Variants in COMMD10 observed in about 807,000 individuals in gnomAD.
The protein encoded by COMMD10 is COMM domain-containing protein 10.
In COMMD10, 33 loss-of-function variants were observed where a neutral mutation model predicts 28.9. That is an observed-to-expected ratio of 1.14 (90% confidence interval 0.87 to 1.53). The LOEUF (loss-of-function observed/expected upper bound fraction) is 1.53, where lower values mean the gene tolerates loss of function less well. Ranked by LOEUF, COMMD10 falls within the 40% of genes most tolerant of loss-of-function variation. The pLI, the probability that COMMD10 is intolerant of heterozygous loss-of-function variation, is 0.00. For missense variants in COMMD10, 310 were observed against 233.4 expected (o/e 1.33, Z -2.14); for synonymous variants, 110 against 81.7 (o/e 1.35, Z -1.87).
chr5:116,236,076 C>T (rs1489313990), intron 5 of COMMD10, among the ~76,000 whole-genome samples: 1 of 151,996 alleles, frequency 6.6e-6, no homozygotes, highest in African/African-American at 2.4e-5. Flanking sequence ...GAAAAGGATA[C>T]ATGTTATTGT....
intron 5 of COMMD10, among the ~76,000 whole-genome samples, chr5:116,264,306 G>A (rs777381252): frequency 7.9e-5 from 12 of 151,770 alleles, no homozygotes; most frequent in African/African-American, 2.7e-4. Flanking sequence ...TCGAATATAC[G>A]TATGAAGGCA....
chr5:116,256,066 C>G (rs1403392116), intron 5 of COMMD10, among the ~76,000 whole-genome samples: 1 of 151,478 alleles, frequency 6.6e-6, no homozygotes, highest in African/African-American at 2.4e-5. Context: ...CTGAAATTAC[C>G]TTCTATAAAA....
chr5:116,180,012 T>C (rs1747895139), intron 5 of COMMD10, among the ~76,000 whole-genome samples: 1 of 152,058 alleles, frequency 6.6e-6, no homozygotes, highest in South Asian at 2.1e-4. Context: ...ATTGAGGTTT[T>C]TTGTTGTTAC....
chr5:116,192,736 C>T (rs1222870048), intron 5 of COMMD10, among the ~76,000 whole-genome samples: 1 of 152,140 alleles, frequency 6.6e-6, no homozygotes, highest in Admixed American at 6.5e-5. Flanking sequence ...GCTTGGAAAA[C>T]ATATTTGATG....
intron 4 of COMMD10, among the ~76,000 whole-genome samples, chr5:116,098,313 G>A (rs1389690602): frequency 6.6e-6 from 1 of 152,148 alleles, no homozygotes; most frequent in Non-Finnish European, 1.5e-5. Context: ...AGGTGTACAT[G>A]CAATGACTTT....
intron 5 of COMMD10, among the ~76,000 whole-genome samples, chr5:116,185,126 G>C (rs374395006): frequency 2.0e-5 from 3 of 152,064 alleles, no homozygotes; most frequent in East Asian, 3.9e-4. Flanking sequence ...CAAGTTCCTC[G>C]TTATTTCTTA....
chr5:116,254,539 C>G (rs575595513), intron 5 of COMMD10, among the ~76,000 whole-genome samples: 2 of 150,978 alleles, frequency 1.3e-5, no homozygotes, highest in African/African-American at 4.9e-5. Context: ...TTATTTCTGC[C>G]TTCATTTCGT....
chr5:116,289,898 C>T (rs532205132), intron 5 of COMMD10, among the ~76,000 whole-genome samples: 1 of 152,020 alleles, frequency 6.6e-6, no homozygotes, highest in African/African-American at 2.4e-5. Context: ...AAGAGGGCCT[C>T]TAGCTTTCTA....
chr5:116,190,349 A>G (rs1480066463), intron 5 of COMMD10, among the ~76,000 whole-genome samples: 1 of 152,208 alleles, frequency 6.6e-6, no homozygotes, highest in Non-Finnish European at 1.5e-5. Flanking sequence ...GTACAGAGGA[A>G]CAGATAGCAG....
At chr5:116,110,532 C>T (rs1001182951) in intron 4 of COMMD10, among the ~76,000 whole-genome samples, 2 of 152,172 alleles carry the variant, frequency 1.3e-5, no homozygotes, top group African/African-American at 4.8e-5. Flanking sequence ...CTGATTTAAT[C>T]TCACTACCCA....
At position 116,251,290 on chromosome 5, in the gene COMMD10, A is replaced by C. The variant is rs62385976; in HGVS notation, c.511-40227A>C. On this transcript the variant is annotated intron_variant, in intron 5 of 6. Coordinates refer to ENST00000274458, the MANE Select transcript of COMMD10 (RefSeq NM_016144.4). ...TTTTTATTTATTTATTTATTTATTT[A>C]TTTATTTATTTATTATTATACTTTA... 8.8e-3 allele frequency among the ~76,000 whole-genome samples: 1,208 copies of C among 137,022 alleles called. 18 individuals are homozygous for C. The highest frequency in any genetic ancestry group is 0.032 in the African/African-American group (1,132 of 35,182). The allele number at this position is 137,022 out of a possible 152,430, so 89.9% of individuals were successfully genotyped here.
intron 4 of COMMD10, among the ~76,000 whole-genome samples, chr5:116,132,116 C>T (rs1019827998): frequency 2.6e-5 from 4 of 151,812 alleles, no homozygotes; most frequent in African/African-American, 4.8e-5. Context: ...TTGTGATAGT[C>T]TGGGAATATG....
intron 4 of COMMD10, among the ~76,000 whole-genome samples, chr5:116,105,714 C>T (rs553908196): frequency 2.0e-5 from 3 of 152,106 alleles, no homozygotes; most frequent in Non-Finnish European, 4.4e-5. Flanking sequence ...GGAGTTTATC[C>T]ATTTCTTCTA....
At chr5:116,161,847 T>C (rs1752929039) in intron 5 of COMMD10, among the ~76,000 whole-genome samples, 1 of 152,086 alleles carries the variant, frequency 6.6e-6, no homozygotes, top group Non-Finnish European at 1.5e-5. Flanking sequence ...ATAACTTTTA[T>C]GGAAAAAATA....
In COMMD10 at chr5:116,292,923, A is replaced by T; in HGVS notation, c.*434A>T. On this transcript the variant is annotated 3_prime_UTR_variant, in exon 7 of 7. Transcript: ENST00000274458. ...AATAAAATTAAGAAAATAGCCATAT[A>T]CAATCAAATACACTATGGCATTTTT... 2.5e-6 allele frequency: 1 copy of T among 396,220 alleles called. No individual in the cohort carries two copies. The highest frequency in any genetic ancestry group is 4.5e-6 in the Non-Finnish European group (1 of 224,506). 24.5% of individuals were successfully genotyped at this position (396,220 alleles called of 1,614,324 possible). A position where few individuals can be genotyped will look rare whatever the true frequency, so the allele number is the denominator to read the frequency against.
At chr5:116,184,092 A>G (rs905512181) in intron 5 of COMMD10, among the ~76,000 whole-genome samples, 1 of 152,084 alleles carries the variant, frequency 6.6e-6, no homozygotes, top group Non-Finnish European at 1.5e-5. Flanking sequence ...AACAAATACT[A>G]TTAATGACTA....
intron 5 of COMMD10, among the ~76,000 whole-genome samples, chr5:116,134,838 G>C (rs1229225067): frequency 6.6e-6 from 1 of 151,976 alleles, no homozygotes; most frequent in Non-Finnish European, 1.5e-5. Context: ...AGCCAGGATG[G>C]TCTCGATCCC....
chr5:116,206,926 C>T (rs1748828428), intron 5 of COMMD10, among the ~76,000 whole-genome samples: 1 of 151,992 alleles, frequency 6.6e-6, no homozygotes, highest in Admixed American at 6.6e-5. Flanking sequence ...CTCTCCATCT[C>T]CTCAAAAAAT....
At chr5:116,275,072 C>G (rs1455715522) in intron 5 of COMMD10, among the ~76,000 whole-genome samples, 1 of 151,810 alleles carries the variant, frequency 6.6e-6, no homozygotes, top group Non-Finnish European at 1.5e-5. Flanking sequence ...CCCTCAACCC[C>G]CATTCTATCT....
Sources: gnomAD v4.1 joint callset for allele counts (sites outside exome capture counted in the v4.1 genomes callset) on GRCh38, gnomAD v4.1.1 for gene constraint, MANE v1.5 for transcripts, NCBI Gene and HGNC (gene_info 2026-07-23, HGNC 2026-07-21) for gene names.